CNTN6: variants seen among roughly 807,000 people sequenced by gnomAD.
The protein encoded by CNTN6 is contactin 6, also known as contactin-6.
A neutral mutation model predicts 122.8 loss-of-function variants in CNTN6; 137 were observed. The ratio of observed to expected loss-of-function variants is 1.12; its 90% CI spans 0.97 to 1.29. The LOEUF (loss-of-function observed/expected upper bound fraction) is 1.29. Ranked by LOEUF, CNTN6 falls within the 50% of genes most tolerant of loss-of-function variation. The pLI, the probability that CNTN6 is intolerant of heterozygous loss-of-function variation, is 0.00. For synonymous variants in CNTN6, 570 were observed against 426.0 expected, an observed-to-expected ratio of 1.34 and a Z score of -4.16; for missense variants, 1,634 against 1,223.4, an observed-to-expected ratio of 1.34 and a Z score of -5.01.
Position 1,331,837 on chromosome 3 carries a change from A to AG in CNTN6, c.1364+1903dup, listed in dbSNP as rs1702332204. ...GAGTAAAGCTAAGATAATGAGAGAG[A>AG]GAAAAAAAAAAGCTAAGATAATAAG... On this transcript the variant is annotated intron_variant, in intron 11 of 22. Transcript: ENST00000446702. Among the ~76,000 whole-genome samples the AG allele has an allele frequency of 8.6e-5, 13 of 151,184 alleles. No homozygotes were observed. The South Asian group carries it at 2.7e-3, about 31-fold the overall frequency.
At chr3:1,298,051 C>A (rs530562608) in intron 7 of CNTN6, 60 bp downstream of exon 7, 2 of 1,250,838 alleles carry the variant, frequency 1.6e-6, no homozygotes, top group African/African-American at 3.1e-5. Flanking sequence ...TTATTAAAAA[C>A]CTTTTTGTTA....
Position 1,255,368 on chromosome 3 carries a change from G to A in CNTN6, c.359-23045G>A, listed in dbSNP as rs185636553. 6.2e-4 allele frequency among the ~76,000 whole-genome samples: 94 copies of A among 150,542 alleles called. 1 individual carries two copies. The Middle Eastern group carries it at 0.031, about 49-fold the overall frequency. ...AATATTCCATAGACGGAAACACCAC[G>A]TTTAAAGCCTATGAAATTGGAAGGG... is the stretch of plus-strand genomic sequence containing the variant. On this transcript the variant is annotated intron_variant, in intron 4 of 22. Transcript: ENST00000446702.
intron 1 of CNTN6, among the ~76,000 whole-genome samples, chr3:1,143,409 CTCTT>C (rs2092657239): frequency 6.6e-6 from 1 of 152,082 alleles, no homozygotes; most frequent in East Asian, 1.9e-4. Flanking sequence ...ATTTTTGAGA[CTCTT>C]TTTAGGTTCT....
chr3:1,368,790 G>T (rs1708583234), intron 12 of CNTN6, among the ~76,000 whole-genome samples: 1 of 152,014 alleles, frequency 6.6e-6, no homozygotes, highest in South Asian at 2.1e-4. Context: ...ACTCATCTAT[G>T]AATCATACCC....
intron 2 of CNTN6, among the ~76,000 whole-genome samples, chr3:1,200,053 T>A (rs2093839571): frequency 6.6e-6 from 1 of 152,098 alleles, no homozygotes; most frequent in Non-Finnish European, 1.5e-5. Flanking sequence ...GTCTTTTTTT[T>A]AGACATATAT....
intron 11 of CNTN6, among the ~76,000 whole-genome samples, chr3:1,348,750 A>G (rs888526236): frequency 3.3e-5 from 5 of 151,900 alleles, no homozygotes; most frequent in Non-Finnish European, 4.4e-5. Context: ...GCCCTCCGCC[A>G]TCTAGTGGGT....
intron 1 of CNTN6, among the ~76,000 whole-genome samples, chr3:1,126,428 A>G (rs1283184276): frequency 1.3e-5 from 2 of 151,886 alleles, no homozygotes; most frequent in Non-Finnish European, 2.9e-5. Context: ...GACCTTTTCC[A>G]GTCAGTTTAT....
At chr3:1,204,335 G>A (rs1462671752) in intron 2 of CNTN6, among the ~76,000 whole-genome samples, 1 of 152,142 alleles carries the variant, frequency 6.6e-6, no homozygotes, top group African/African-American at 2.4e-5. Context: ...ACAGTAGGCT[G>A]TTATTTTTCA....
rs184793276 is a variant in CNTN6, at chr3:1,156,319, G to C, written c.55+8256G>C. Among the ~76,000 whole-genome samples the C allele has an allele frequency of 9.3e-4, 142 of 152,252 alleles. 1 individual carries two copies. Among genetic ancestry groups the C allele is most frequent in the African/African-American group, 3.2e-3 (132 of 41,544 alleles). On this transcript the variant is annotated intron_variant, in intron 2 of 22. Coordinates refer to ENST00000446702, the MANE Select transcript of CNTN6 (RefSeq NM_001289080.2). ...CATTTTCTCCTGAAACCTTGATTCT[G>C]TGAAGAAGAATTTTGTCATTTCCAC...
At chr3:1,188,721 A>T (rs552235684) in intron 2 of CNTN6, among the ~76,000 whole-genome samples, 2 of 152,368 alleles carry the variant, frequency 1.3e-5, no homozygotes, top group South Asian at 4.1e-4. Flanking sequence ...GAAAAATCTC[A>T]ATTTAAATAT....
chr3:1,262,243 G>A (rs1196403577), intron 4 of CNTN6, among the ~76,000 whole-genome samples: 2 of 152,162 alleles, frequency 1.3e-5, no homozygotes, highest in Non-Finnish European at 2.9e-5. Context: ...AGCTTATGCA[G>A]TGTTGTGGCT....
At chr3:1,323,064 A>G (rs1701081991) in intron 8 of CNTN6, among the ~76,000 whole-genome samples, 1 of 151,748 alleles carries the variant, frequency 6.6e-6, no homozygotes, top group Non-Finnish European at 1.5e-5. Context: ...GATGAACCAG[A>G]ACACAAAGGT....
chr3:1,291,165 T>G (rs1416414030), intron 5 of CNTN6, among the ~76,000 whole-genome samples: 2 of 152,240 alleles, frequency 1.3e-5, no homozygotes, highest in East Asian at 3.8e-4. Context: ...ACCTTTATAC[T>G]GTTAGTTCTT....
intron 11 of CNTN6, among the ~76,000 whole-genome samples, chr3:1,347,236 A>G (rs558544106): frequency 6.6e-6 from 1 of 152,158 alleles, no homozygotes; most frequent in Non-Finnish European, 1.5e-5. Flanking sequence ...TAGTCATACT[A>G]TATCTACACA....
At chr3:1,198,732 AAAAAG>A (rs1224851111) in intron 2 of CNTN6, among the ~76,000 whole-genome samples, 13 of 151,990 alleles carry the variant, frequency 8.6e-5, no homozygotes, top group Admixed American at 7.2e-4. Context: ...AACAAAAAAA[AAAAAG>A]AAAGAAAGAA....
chr3:1,360,162 T>TGAA (rs1239426411), intron 12 of CNTN6, among the ~76,000 whole-genome samples: 1 of 152,140 alleles, frequency 6.6e-6, no homozygotes, highest in Non-Finnish European at 1.5e-5. Context: ...TGGTTTAGTT[T>TGAA]GAAGTAGAAT....
chr3:1,368,305 T>A (rs1708517678), intron 12 of CNTN6, among the ~76,000 whole-genome samples: 1 of 152,204 alleles, frequency 6.6e-6, no homozygotes, highest in Admixed American at 6.5e-5. Flanking sequence ...TTCCATTGCA[T>A]ACATTTATAT....
rs199530414 is a variant in CNTN6, at chr3:1,372,890, A to T, written c.1721A>T (p.Lys574Ile). ...AATATTCAGTTACATCATTCAGGAA[A>T]ATATCTCTGCACAGTACAAACAACC... ...IRNIQLHHSGKYLCTVQTTLE... is the reference protein window; with the variant it reads ...IRNIQLHHSGIYLCTVQTTLE... The change falls in exon 14 of 23, where the codon AAA becomes ATA. Residue 574 changes from lysine (K) to isoleucine (I), a missense_variant. Coordinates refer to ENST00000446702, the MANE Select transcript of CNTN6 (RefSeq NM_001289080.2). 6.2e-7 allele frequency: 1 copy of T among 1,610,856 alleles called. No homozygotes were observed. The highest frequency in any genetic ancestry group is 1.7e-5 in the Admixed American group (1 of 59,634).
intron 7 of CNTN6, among the ~76,000 whole-genome samples, chr3:1,299,049 T>G (rs148041222): frequency 1.3e-5 from 2 of 152,330 alleles, no homozygotes; most frequent in African/African-American, 4.8e-5. Context: ...TTGTTTTCTA[T>G]AGATGGAGTT....
Sources: allele counts gnomAD v4.1 joint callset (sites outside exome capture counted in the v4.1 genomes callset), GRCh38; gene constraint gnomAD v4.1.1; transcripts MANE v1.5; gene names NCBI Gene and HGNC (gene_info 2026-07-23, HGNC 2026-07-21).